PPRC1: variants seen among roughly 807,000 people sequenced by gnomAD.
PPRC1 encodes peroxisome proliferator-activated receptor gamma coactivator-related protein 1.
In PPRC1, 23 loss-of-function variants were observed where a neutral mutation model predicts 132.5. The observed-to-expected ratio is 0.17, with a 90% CI of 0.12 to 0.25. The LOEUF (loss-of-function observed/expected upper bound fraction) is 0.25. Ranked by LOEUF, PPRC1 falls within the 10% of genes least tolerant of loss-of-function variation. The pLI, the probability that PPRC1 is intolerant of heterozygous loss-of-function variation, is 1.00. For missense variants in PPRC1, 2,006 were observed against 2,089.1 expected, an observed-to-expected ratio of 0.96 and a Z score of 0.78; for synonymous variants, 872 against 833.5, an observed-to-expected ratio of 1.05 and a Z score of -0.80.
chr10:102,130,736 A>C (rs2068527883), upstream of PPRC1, among the ~76,000 whole-genome samples: 2 of 152,064 alleles, frequency 1.3e-5, no homozygotes, highest in Non-Finnish European at 2.9e-5. Context: ...ACTCCATCTC[A>C]CACACAAAAA....
chr10:102,130,931 C>T (rs1165165457), upstream of PPRC1, among the ~76,000 whole-genome samples: 7 of 150,080 alleles, frequency 4.7e-5, no homozygotes, highest in African/African-American at 1.7e-4. Context: ...GGTGGCTCAC[C>T]CCTGTAATCC....
intron 5 of PPRC1, among the ~76,000 whole-genome samples, chr10:102,142,477 G>C (rs1418472159): frequency 7.6e-6 from 1 of 131,842 alleles, no homozygotes; most frequent in African/African-American, 3.0e-5. Context: ...GGAGTGCAGT[G>C]GCGTGATCTC....
Position 102,140,614 on chromosome 10 carries a change from G to C in PPRC1, c.2106G>C (p.Leu702=). The change falls in exon 5 of 14, where the codon CTG becomes CTC. Residue 702 remains leucine (L), a synonymous_variant. Transcript: ENST00000278070. ...DPRRGAVSSA[L]GGSAPQLLVE... is the part of the protein sequence containing the mutation. The stretch of plus-strand genomic sequence containing the variant: ...GACGTGGTGCAGTGTCATCAGCCCT[G>C]GGGGGTTCAGCACCCCAGCTCCTCG... The C allele has an allele frequency of 6.2e-7, 1 of 1,613,954 alleles. No individual in the cohort carries two copies. The highest frequency in any genetic ancestry group is 8.5e-7 in the Non-Finnish European group (1 of 1,179,976).
At chr10:102,149,016 G>T in intron 12 of PPRC1, 78 bp downstream of exon 12, 1 of 1,578,426 alleles carries the variant, frequency 6.3e-7, no homozygotes, top group South Asian at 1.2e-5. Context: ...TTGCCTCCTT[G>T]CTCTGGTGTG....
upstream of PPRC1, among the ~76,000 whole-genome samples, chr10:102,132,768 T>G (rs1402989824): frequency 6.6e-6 from 1 of 152,132 alleles, no homozygotes; most frequent in Non-Finnish European, 1.5e-5. Flanking sequence ...AATACGCAAA[T>G]GTTAACTTTC....
chr10:102,145,883 A>C (rs2069219692), intron 8 of PPRC1, among the ~76,000 whole-genome samples: 1 of 152,060 alleles, frequency 6.6e-6, no homozygotes, highest in Non-Finnish European at 1.5e-5. Flanking sequence ...ACAAACAACA[A>C]AAAAAAACAA....
intron 1 of PPRC1, 106 bp from the exon 2 acceptor site, chr10:102,137,744 C>G (rs901218965): frequency 9.1e-7 from 1 of 1,095,866 alleles, no homozygotes; most frequent in African/African-American, 1.6e-5. Context: ...GACAGTGTTG[C>G]TGCTGCTGAG....
intron 1 of PPRC1, among the ~76,000 whole-genome samples, chr10:102,135,260 A>C (rs992962572): frequency 2.0e-5 from 3 of 152,190 alleles, no homozygotes; most frequent in African/African-American, 7.2e-5. Context: ...GGAGGAAGAG[A>C]GCATGGCTTA....
the PPRC1 span, chr10:102,120,076 C>G: frequency 2.1e-6 from 3 of 1,439,502 alleles, no homozygotes; most frequent in Admixed American, 2.6e-5. Flanking sequence ...TGGCCGCACG[C>G]CCCACTCACC....
intron 7 of PPRC1, 183 bp downstream of exon 7, chr10:102,144,490 AGAAC>A: frequency 1.6e-6 from 1 of 620,234 alleles, no homozygotes. Context: ...TGGTGAGGTG[AGAAC>A]GGGGCATGTT....
chr10:102,141,357 C>G lies in PPRC1; in HGVS notation c.2849C>G (p.Pro950Arg), dbSNP rs1186130536. The change falls in exon 5 of 14, where the codon CCT (proline) becomes CGT (arginine). Residue 950 changes from proline to arginine, a missense_variant. Pro to Arg is a moderately radical substitution (Grantham distance 103). Coordinates refer to ENST00000278070, the MANE Select transcript of PPRC1 (RefSeq NM_015062.5). ...ACGGTGCCCCTAGTGTCTGGTACTC[C>G]TGGTGCCTATGCCGTGCCTCCCACT... ...PPTVPLVSGT[P>R]GAYAVPPTCS... The G allele has an allele frequency of 1.2e-6, 2 of 1,614,046 alleles. No individual in the cohort carries two copies. Among genetic ancestry groups the G allele is most frequent in the African/African-American group, 1.3e-5 (1 of 74,924 alleles).
Position 102,140,228 on chromosome 10 carries a change from C to G in PPRC1, c.1720C>G (p.Leu574Val). The change falls in exon 5 of 14, where the codon CTC (leucine) becomes GTC (valine). Residue 574 changes from leucine to valine, a missense_variant. This residue lies in a region of PPRC1 where 1,914 missense variants were observed against 1,917.2 expected (regional missense o/e 1.00). Transcript: ENST00000278070. ...CCAAACCAATCCTATACCAACCCATCTCTCATTGGTCGACTCTGCCCAAGC... is the reference window on the plus strand; with the variant it reads ...CCAAACCAATCCTATACCAACCCATGTCTCATTGGTCGACTCTGCCCAAGC... Reference protein sequence around the residue: ...TIQTNPIPTHLSLVDSAQASP... With the variant: ...TIQTNPIPTHVSLVDSAQASP... 1 of 1,614,232 alleles carries G rather than the reference C, an allele frequency of 6.2e-7. No homozygotes were observed. The highest frequency in any genetic ancestry group is 8.5e-7 in the Non-Finnish European group (1 of 1,180,036).
chr10:102,120,770 G>A, the PPRC1 span, among the ~76,000 whole-genome samples: 7 of 152,274 alleles, frequency 4.6e-5, no homozygotes, highest in South Asian at 2.1e-4. Context: ...GGGTGCCGCC[G>A]GATGGGGAGT....
At chr10:102,135,371 TA>T (rs2068685119) in intron 1 of PPRC1, among the ~76,000 whole-genome samples, 1 of 152,104 alleles carries the variant, frequency 6.6e-6, no homozygotes, top group African/African-American at 2.4e-5. Context: ...TATATATATA[TA>T]TTTTGTTGTT....
At chr10:102,124,152 G>A in the PPRC1 span, among the ~76,000 whole-genome samples, 13,651 of 151,186 alleles carry the variant, frequency 0.09, 847 homozygotes, top group African/African-American at 0.18. Context: ...TGCAACCGCC[G>A]CCTCCCAGGT....
At chr10:102,129,430 T>C (rs1359550184), upstream of PPRC1, among the ~76,000 whole-genome samples, 1 of 152,122 alleles carries the variant, frequency 6.6e-6, no homozygotes, top group African/African-American at 2.4e-5. Flanking sequence ...CCCAGAGATA[T>C]ATTACCTTTT....
chr10:102,127,021 A>G, the PPRC1 span, among the ~76,000 whole-genome samples: 18 of 4,338 alleles, frequency 4.1e-3, no homozygotes, highest in Admixed American at 9.6e-3. Flanking sequence ...GTTTTTTATC[A>G]TATATATATA....
intron 7 of PPRC1, 130 bp from the exon 8 acceptor site, chr10:102,144,890 G>A (rs1282337336): frequency 2.7e-6 from 2 of 733,716 alleles, no homozygotes; most frequent in African/African-American, 3.6e-5. Context: ...GCAGGAAGAA[G>A]ATGATGGAGG....
rs2068880817 is a variant in PPRC1, at chr10:102,139,920, G to T, written c.1412G>T (p.Cys471Phe). The T allele has an allele frequency of 1.2e-6, 2 of 1,614,286 alleles. No individual in the cohort carries two copies. The highest frequency in any genetic ancestry group is 1.7e-6 in the Non-Finnish European group (2 of 1,180,056). ...AAGAGCAAGGAGCAGCCAGCAGCCT[G>T]TGTGGAAGGCTATGCCAGGAGGCTG... Reference protein sequence around the residue: ...KKKSKEQPAACVEGYARRLRS... With the variant: ...KKKSKEQPAAFVEGYARRLRS... Residue 471 changes from cysteine (C) to phenylalanine (F), a missense_variant, in exon 5 of 14, where the codon TGT becomes TTT. Physicochemically the swap from Cys to Phe is radical, Grantham distance 205 (BLOSUM62 -2). Transcript: ENST00000278070.
Sources: gnomAD v4.1 joint callset for allele counts (sites outside exome capture counted in the v4.1 genomes callset) on GRCh38, gnomAD v4.1.1 for gene constraint, gnomAD v4.1.1 regional missense constraint, MANE v1.5 for transcripts, NCBI Gene and HGNC (gene_info 2026-07-23, HGNC 2026-07-21) for gene names.